ANO10: variants seen among roughly 807,000 people sequenced by gnomAD.
ANO10 encodes anoctamin-10.
A neutral mutation model predicts 74.7 loss-of-function variants in ANO10; 77 were observed. The ratio of observed to expected loss-of-function variants is 1.03; its 90% CI spans 0.86 to 1.25. ANO10 has a LOEUF of 1.25. Among genes scored for constraint, ANO10 ranks in the 50% most tolerant of loss-of-function variants. The probability of loss-of-function intolerance (pLI) is 0.00; values close to 1 mark genes in which losing one functional copy is unlikely to be tolerated. For missense variants in ANO10, 721 were observed against 778.1 expected, an observed-to-expected ratio of 0.93 and a Z score of 0.87; for synonymous variants, 279 against 284.9, an observed-to-expected ratio of 0.98 and a Z score of 0.21.
At position 43,580,438 on chromosome 3, in the gene ANO10, C is replaced by G; in HGVS notation, c.507G>C (p.Gln169His). 6.2e-7 allele frequency: 1 copy of G among 1,613,958 alleles called. No individual in the cohort carries two copies. Among genetic ancestry groups the G allele is most frequent in the South Asian group, 1.1e-5 (1 of 91,012 alleles). The change falls in exon 5 of 13, where the codon CAG becomes CAC. Residue 169 changes from glutamine (Q) to histidine (H), a missense_variant. Gln to His is a conservative substitution (Grantham distance 24). Coordinates refer to ENST00000292246, the MANE Select transcript of ANO10 (RefSeq NM_018075.5). ...CTTCACTGTCATGCAGTGGAAACAC[C>G]TGAATCACGATGCCAGACGTGAGCA... ...RRLLTSGIVIQVFPLHDSEAL... is the reference protein window; with the variant it reads ...RRLLTSGIVIHVFPLHDSEAL...
rs5848663 is a variant in ANO10 at position 43,432,944 on chromosome 3, C to CTTTTTTTTTTTTTTTTTTT, written c.1798-236_1798-218dup. On this transcript the variant is annotated intron_variant, in intron 11 of 12. Transcript: ENST00000292246. ...CAGTAATTACTGACTTTGCTTAATT[C>CTTTTTTTTTTTTTTTTTTT]TTTTTTTTTTTTTTTTTTTTTTTTT... Among the ~76,000 whole-genome samples the CTTTTTTTTTTTTTTTTTTT allele has an allele frequency of 2.2e-3, 120 of 55,280 alleles. 26 individuals carry two copies. The highest frequency in any genetic ancestry group is 3.2e-3 in the Non-Finnish European group (96 of 30,054). The allele number at this position is 55,280 out of a possible 152,430, so 36.3% of individuals were successfully genotyped here.
At chr3:43,668,327 T>A (rs145442927) in intron 1 of ANO10, among the ~76,000 whole-genome samples, 1 of 152,284 alleles carries the variant, frequency 6.6e-6, no homozygotes, top group East Asian at 1.9e-4. Flanking sequence ...TTCTGGATAT[T>A]AGTTCTTCGT....
chr3:43,377,613 C>G (rs1443447687), intron 12 of ANO10, among the ~76,000 whole-genome samples: 1 of 152,210 alleles, frequency 6.6e-6, no homozygotes, highest in Non-Finnish European at 1.5e-5. Context: ...GCCAAGATGA[C>G]CATCTAGCCA....
At chr3:43,453,477 CCTAT>C (rs927369350) in intron 11 of ANO10, among the ~76,000 whole-genome samples, 39 of 152,170 alleles carry the variant, frequency 2.6e-4, no homozygotes, top group African/African-American at 9.4e-4. Context: ...CCGCACCTGG[CCTAT>C]CTTCTTTTTC....
At chr3:43,408,644 C>G (rs2092617150) in intron 12 of ANO10, among the ~76,000 whole-genome samples, 1 of 152,186 alleles carries the variant, frequency 6.6e-6, no homozygotes, top group Non-Finnish European at 1.5e-5. Context: ...AGTGGATGCC[C>G]TGCACTGAGC....
intron 11 of ANO10, among the ~76,000 whole-genome samples, chr3:43,495,657 C>T (rs1315855134): frequency 6.6e-6 from 1 of 152,150 alleles, no homozygotes; most frequent in East Asian, 1.9e-4. Flanking sequence ...GAAATTGAAC[C>T]TAATGCCACC....
chr3:43,689,127 C>A (rs2084316280), intron 1 of ANO10, among the ~76,000 whole-genome samples: 1 of 152,152 alleles, frequency 6.6e-6, no homozygotes. Flanking sequence ...CCAAATCATT[C>A]ATGAGAAATT....
chr3:43,648,255 A>G (rs1289162232), intron 1 of ANO10, among the ~76,000 whole-genome samples: 12 of 152,206 alleles, frequency 7.9e-5, no homozygotes, highest in African/African-American at 2.9e-4. Context: ...AAACATTTGG[A>G]GGTGGAAAAT....
chr3:43,398,414 T>TA (rs1427293466), intron 12 of ANO10, among the ~76,000 whole-genome samples: 4 of 152,254 alleles, frequency 2.6e-5, no homozygotes, highest in Admixed American at 6.5e-5. Context: ...TTTAAATAGT[T>TA]AAAGTAATAT....
chr3:43,517,094 G>A (rs375420698), intron 11 of ANO10, among the ~76,000 whole-genome samples: 1 of 152,180 alleles, frequency 6.6e-6, no homozygotes, highest in Non-Finnish European at 1.5e-5. Flanking sequence ...CCAGGCCTCT[G>A]TAGGAATTAA....
chr3:43,558,287 G>C (rs960021257), intron 9 of ANO10, among the ~76,000 whole-genome samples: 3 of 152,166 alleles, frequency 2.0e-5, no homozygotes, highest in Non-Finnish European at 4.4e-5. Context: ...GTAGAAGGCA[G>C]TTCATTTACT....
chr3:43,654,088 C>A (rs139193722), intron 1 of ANO10, among the ~76,000 whole-genome samples: 58 of 152,206 alleles, frequency 3.8e-4, no homozygotes, highest in African/African-American at 1.2e-3. Context: ...GGAGCCAGAG[C>A]CACCAGCTCT....
intron 12 of ANO10, among the ~76,000 whole-genome samples, chr3:43,375,661 C>A (rs939466653): frequency 6.6e-6 from 1 of 151,748 alleles, no homozygotes; most frequent in Admixed American, 6.5e-5. Flanking sequence ...ACTCTCCTAG[C>A]TAAAAGAGGC....
At chr3:43,425,362 CG>C (rs35976472) in intron 12 of ANO10, among the ~76,000 whole-genome samples, 1 of 151,068 alleles carries the variant, frequency 6.6e-6, no homozygotes, top group Non-Finnish European at 1.5e-5. Flanking sequence ...ACAAATGGAG[CG>C]GGGGGAAGAA....
At chr3:43,491,319 G>T (rs2076712571) in intron 11 of ANO10, among the ~76,000 whole-genome samples, 1 of 152,112 alleles carries the variant, frequency 6.6e-6, no homozygotes, top group Admixed American at 6.5e-5. Flanking sequence ...TTCGAGACCA[G>T]CCTGGCCAAC....
chr3:43,600,005 CT>C (rs1175822489), intron 3 of ANO10, among the ~76,000 whole-genome samples: 2 of 151,798 alleles, frequency 1.3e-5, no homozygotes, highest in Non-Finnish European at 2.9e-5. Context: ...AAGGATTTTT[CT>C]GTATCAAGCT....
At chr3:43,478,223 A>G (rs1423186110) in intron 11 of ANO10, among the ~76,000 whole-genome samples, 1 of 152,214 alleles carries the variant, frequency 6.6e-6, no homozygotes, top group East Asian at 1.9e-4. Flanking sequence ...AGTTGGGGTT[A>G]GTCAGAACAG....
intron 12 of ANO10, among the ~76,000 whole-genome samples, chr3:43,368,593 T>C (rs1460474569): frequency 6.6e-6 from 1 of 152,136 alleles, no homozygotes; most frequent in East Asian, 1.9e-4. Flanking sequence ...ATATAAAATA[T>C]CACCATAAAT....
intron 11 of ANO10, among the ~76,000 whole-genome samples, chr3:43,526,405 A>G (rs2078198772): frequency 6.6e-6 from 1 of 152,246 alleles, no homozygotes; most frequent in Non-Finnish European, 1.5e-5. Flanking sequence ...GCCACGGAGA[A>G]GCGTCAGCAT....
Sources: gnomAD v4.1 joint callset for allele counts (sites outside exome capture counted in the v4.1 genomes callset) on GRCh38, gnomAD v4.1.1 for gene constraint, MANE v1.5 for transcripts, NCBI Gene and HGNC (gene_info 2026-07-23, HGNC 2026-07-21) for gene names.